Variants in NRXN1 observed in about 807,000 individuals in gnomAD.
The protein encoded by NRXN1 is neurexin-1.
In NRXN1, 39 loss-of-function variants were observed where a neutral mutation model predicts 150.9. The ratio of observed to expected loss-of-function variants is 0.26; its 90% CI spans 0.20 to 0.34. NRXN1 has a LOEUF of 0.34. NRXN1 is among the 10% of genes least tolerant of loss of function. NRXN1 has a pLI of 1.00. For missense variants in NRXN1, 1,815 were observed against 1,949.9 expected, an observed-to-expected ratio of 0.93 and a Z score of 1.30; for synonymous variants, 924 against 757.0, an observed-to-expected ratio of 1.22 and a Z score of -3.62.
At chr2:50,201,022 G>T (rs771339232) in intron 18 of NRXN1, among the ~76,000 whole-genome samples, 1 of 151,658 alleles carries the variant, frequency 6.6e-6, no homozygotes. Flanking sequence ...TTTTACTTCT[G>T]TTGCCCACTG....
intron 13 of NRXN1, among the ~76,000 whole-genome samples, chr2:50,502,262 C>T (rs763543871): frequency 2.6e-5 from 4 of 152,032 alleles, no homozygotes; most frequent in African/African-American, 7.2e-5. Flanking sequence ...AAAAAATAAA[C>T]AATTTACCCA....
chr2:50,550,516 C>G (rs1667283164), intron 9 of NRXN1, among the ~76,000 whole-genome samples: 1 of 151,430 alleles, frequency 6.6e-6, no homozygotes, highest in Non-Finnish European at 1.5e-5. Flanking sequence ...AAGCCCATGC[C>G]CACGCCACTT....
At chr2:50,627,708 T>A (rs972610111) in intron 5 of NRXN1, among the ~76,000 whole-genome samples, 1 of 151,550 alleles carries the variant, frequency 6.6e-6, no homozygotes, top group South Asian at 2.1e-4. Context: ...GATCTCTGAG[T>A]CAGCAGGAGC....
At chr2:50,388,896 T>C (rs2081503111) in intron 17 of NRXN1, among the ~76,000 whole-genome samples, 1 of 152,142 alleles carries the variant, frequency 6.6e-6, no homozygotes, top group African/African-American at 2.4e-5. Flanking sequence ...TTGAGATGTT[T>C]ATAGTCTGGT....
At chr2:50,666,879 A>ATGATGATGATG in intron 5 of NRXN1, among the ~76,000 whole-genome samples, 1 of 107,866 alleles carries the variant, frequency 9.3e-6, no homozygotes, top group Admixed American at 1.0e-4. Flanking sequence ...GATGATGATG[A>ATGATGATGATG]TGTGTGTGTG....
chr2:50,827,684 T>A (rs1229145016), intron 5 of NRXN1, among the ~76,000 whole-genome samples: 1 of 152,026 alleles, frequency 6.6e-6, no homozygotes, highest in Non-Finnish European at 1.5e-5. Context: ...AGGACAACAG[T>A]GGAGGGAAGG....
intron 2 of NRXN1, among the ~76,000 whole-genome samples, chr2:50,988,235 G>A (rs994350736): frequency 6.6e-6 from 1 of 151,838 alleles, no homozygotes. Context: ...TATTCCTGTG[G>A]CATAAACCAG....
At chr2:50,867,315 A>G (rs1677092771) in intron 5 of NRXN1, among the ~76,000 whole-genome samples, 1 of 151,868 alleles carries the variant, frequency 6.6e-6, no homozygotes, top group East Asian at 2.0e-4. Context: ...CCCTATTTAA[A>G]CCACCTGCTT....
intron 5 of NRXN1, among the ~76,000 whole-genome samples, chr2:50,828,573 C>A (rs1336409558): frequency 6.7e-6 from 1 of 148,216 alleles, no homozygotes; most frequent in South Asian, 2.2e-4. Context: ...GGCAGAGGCG[C>A]TCCTTACATC....
chr2:50,146,291 C>T (rs1409049146), intron 18 of NRXN1, among the ~76,000 whole-genome samples: 1 of 151,562 alleles, frequency 6.6e-6, no homozygotes. Flanking sequence ...GGATCTAGAA[C>T]TAGAAATACC....
At chr2:49,929,211 CTACCTCATATGG>C (rs1387303795) in intron 22 of NRXN1, among the ~76,000 whole-genome samples, 1 of 152,120 alleles carries the variant, frequency 6.6e-6, no homozygotes, top group Non-Finnish European at 1.5e-5. Context: ...GGACAGGCTG[CTACCTCATATGG>C]TACCACATCG....
At chr2:50,939,901 C>A (rs1228366866) in intron 2 of NRXN1, among the ~76,000 whole-genome samples, 2 of 152,104 alleles carry the variant, frequency 1.3e-5, no homozygotes, top group Admixed American at 6.6e-5. Context: ...AACAACAGAA[C>A]CACCCACTGC....
intron 21 of NRXN1, among the ~76,000 whole-genome samples, chr2:50,002,850 G>A (rs539493323): frequency 2.6e-5 from 4 of 152,188 alleles, no homozygotes; most frequent in Admixed American, 2.6e-4. Context: ...TGGGATGGGG[G>A]AAAATAGATG....
chr2:50,961,446 T>C (rs1693179549), intron 2 of NRXN1, among the ~76,000 whole-genome samples: 2 of 151,786 alleles, frequency 1.3e-5, no homozygotes, highest in South Asian at 2.1e-4. Flanking sequence ...AATTGTACTA[T>C]ACTGACCAAG....
Position 50,105,481 on chromosome 2 carries a change from T to C in NRXN1, c.3547-13987A>G, listed in dbSNP as rs1001893367. Among the ~76,000 whole-genome samples, 7 of 152,038 alleles carry C rather than the reference T, an allele frequency of 4.6e-5. 1 individual carries two copies. Among genetic ancestry groups the C allele is most frequent in the Admixed American group, 3.3e-4 (5 of 15,236 alleles). ...CCAACCCCTTCCCACCTAGTTTACA[T>C]CCAGTTTTTCTCTAGTATGTTTTTT... On this transcript the variant is annotated intron_variant, in intron 18 of 22. Transcript: ENST00000401669.
chr2:50,147,466 C>T (rs2058412308), intron 18 of NRXN1, among the ~76,000 whole-genome samples: 1 of 151,650 alleles, frequency 6.6e-6, no homozygotes, highest in South Asian at 2.1e-4. Context: ...ATGTGGGGTC[C>T]ACCTCTGAAC....
chr2:50,357,302 ATTT>A (rs10597647), intron 17 of NRXN1, among the ~76,000 whole-genome samples: 2 of 142,900 alleles, frequency 1.4e-5, no homozygotes, highest in Non-Finnish European at 3.0e-5. Context: ...TTATTTATTT[ATTT>A]TTTTTTTTAT....
rs150160460 is a variant in NRXN1 at position 50,831,556 on chromosome 2, A to G, written c.832+90313T>C. On this transcript the variant is annotated intron_variant, in intron 5 of 22. Transcript: ENST00000401669. Reference sequence around the variant, plus strand: ...CTTGCATCTGGGTACAGATTACACAAATGTGTTCAGTTTGTCAAAGTTCTT... The same window carrying G: ...CTTGCATCTGGGTACAGATTACACAGATGTGTTCAGTTTGTCAAAGTTCTT... 4.6e-5 allele frequency among the ~76,000 whole-genome samples: 7 copies of G among 152,320 alleles called. No homozygotes were observed. In the East Asian group the frequency reaches 1.4e-3, roughly 29 times the overall value.
chr2:50,790,847 G>C (rs1380372219), intron 5 of NRXN1, among the ~76,000 whole-genome samples: 2 of 152,118 alleles, frequency 1.3e-5, no homozygotes, highest in African/African-American at 2.4e-5. Flanking sequence ...TGTGTATTGT[G>C]TGCTTGTATT....
Sources: allele counts gnomAD v4.1 joint callset (sites outside exome capture counted in the v4.1 genomes callset), GRCh38; gene constraint gnomAD v4.1.1; transcripts MANE v1.5; gene names NCBI Gene and HGNC (gene_info 2026-07-23, HGNC 2026-07-21).